ADK: variants seen among roughly 807,000 people sequenced by gnomAD.
ADK encodes N6,N6-dimethyladenosine kinase.
A neutral mutation model predicts 44.7 loss-of-function variants in ADK; 24 were observed. The observed-to-expected ratio is 0.54, with a 90% confidence interval of 0.39 to 0.76. The LOEUF (loss-of-function observed/expected upper bound fraction) is 0.76. ADK is among the 30% of genes least tolerant of loss of function. The pLI is 0.00. For synonymous variants in ADK, 128 were observed against 142.6 expected (o/e 0.90, Z 0.73); for missense variants, 321 against 425.1 (o/e 0.76, Z 2.15).
At chr10:74,602,058 T>A (rs1852150187) in intron 9 of ADK, among the ~76,000 whole-genome samples, 1 of 133,324 alleles carries the variant, frequency 7.5e-6, no homozygotes, top group African/African-American at 3.0e-5. Context: ...TGAGCTATGA[T>A]CTCTCCACTG....
chr10:74,263,511 A>G (rs1454633451), intron 3 of ADK, among the ~76,000 whole-genome samples: 1 of 152,214 alleles, frequency 6.6e-6, no homozygotes, highest in African/African-American at 2.4e-5. Context: ...CATGTACCCA[A>G]TCTGTCAACA....
intron 6 of ADK, among the ~76,000 whole-genome samples, chr10:74,454,174 A>G (rs933789477): frequency 6.6e-6 from 1 of 152,068 alleles, no homozygotes; most frequent in Admixed American, 6.5e-5. Context: ...TTCTTTCCCC[A>G]TTTAAAAAAT....
intron 1 of ADK, among the ~76,000 whole-genome samples, chr10:74,160,467 C>T (rs139259103): frequency 9.2e-5 from 14 of 152,356 alleles, no homozygotes; most frequent in Non-Finnish European, 1.6e-4. Flanking sequence ...ACTGCTGCTT[C>T]AATAAAAGTT....
At chr10:74,291,168 G>C (rs1284005524) in intron 3 of ADK, among the ~76,000 whole-genome samples, 1 of 152,184 alleles carries the variant, frequency 6.6e-6, no homozygotes, top group Non-Finnish European at 1.5e-5. Flanking sequence ...CTGTAATCCA[G>C]CACTTTGGGA....
intron 7 of ADK, among the ~76,000 whole-genome samples, chr10:74,568,119 T>C (rs542768445): frequency 6.6e-6 from 1 of 152,242 alleles, no homozygotes; most frequent in Admixed American, 6.5e-5. Context: ...TCATAAACTT[T>C]GTTAAAAGAT....
chr10:74,676,056 A>AC (rs1179988148), intron 10 of ADK, among the ~76,000 whole-genome samples: 3 of 151,614 alleles, frequency 2.0e-5, no homozygotes, highest in African/African-American at 4.8e-5. Context: ...AAAAAAAAAA[A>AC]AAACACCTTC....
chr10:74,362,387 C>G (rs1322815580), intron 4 of ADK, among the ~76,000 whole-genome samples: 1 of 149,444 alleles, frequency 6.7e-6, no homozygotes, highest in African/African-American at 2.5e-5. Context: ...TTTTTAGTTG[C>G]AGGATTTCTG....
chr10:74,427,048 C>T (rs1844821976), intron 6 of ADK, among the ~76,000 whole-genome samples: 1 of 151,698 alleles, frequency 6.6e-6, no homozygotes, highest in East Asian at 1.9e-4. Context: ...TATATCCATA[C>T]CGAAAGGGGA....
intron 9 of ADK, among the ~76,000 whole-genome samples, chr10:74,619,082 C>G (rs999438540): frequency 1.3e-5 from 2 of 148,558 alleles, no homozygotes; most frequent in African/African-American, 2.5e-5. Context: ...CCTCCCCGAG[C>G]TTCAGGCTGT....
chr10:74,331,053 T>C (rs897962700), intron 4 of ADK, among the ~76,000 whole-genome samples: 1 of 152,238 alleles, frequency 6.6e-6, no homozygotes, highest in East Asian at 1.9e-4. Flanking sequence ...TTCTTTTTTG[T>C]TTTCATTTCT....
intron 7 of ADK, among the ~76,000 whole-genome samples, chr10:74,584,453 C>T (rs1317781588): frequency 6.6e-6 from 1 of 152,084 alleles, no homozygotes; most frequent in African/African-American, 2.4e-5. Context: ...AGACCCTGTA[C>T]TCTTTCCATT....
At chr10:74,489,994 C>T (rs530258033) in intron 6 of ADK, among the ~76,000 whole-genome samples, 1 of 146,544 alleles carries the variant, frequency 6.8e-6, no homozygotes, top group South Asian at 2.2e-4. Context: ...TAGCATATAT[C>T]CGTTTTATCT....
At chr10:74,642,196 T>G (rs909958581) in intron 9 of ADK, among the ~76,000 whole-genome samples, 13 of 152,202 alleles carry the variant, frequency 8.5e-5, no homozygotes, top group African/African-American at 3.1e-4. Context: ...ATATAGTTAT[T>G]CTTATGAAAA....
chr10:74,170,553 C>G (rs1322398093), intron 1 of ADK, among the ~76,000 whole-genome samples: 2 of 151,990 alleles, frequency 1.3e-5, no homozygotes, highest in Non-Finnish European at 2.9e-5. Context: ...AATCCTAGCA[C>G]TTTGGGAGGC....
intron 6 of ADK, among the ~76,000 whole-genome samples, chr10:74,419,554 C>A (rs1019631310): frequency 6.6e-6 from 1 of 152,138 alleles, no homozygotes; most frequent in Non-Finnish European, 1.5e-5. Context: ...CACTGCTAAT[C>A]AGATGCCAAT....
chr10:74,288,398 C>G (rs1168372820), intron 3 of ADK, among the ~76,000 whole-genome samples: 2 of 152,098 alleles, frequency 1.3e-5, no homozygotes, highest in Non-Finnish European at 2.9e-5. Flanking sequence ...GCCTGTAATC[C>G]CAGCACTTCG....
chr10:74,599,557 A>G (rs1304941752), intron 8 of ADK, among the ~76,000 whole-genome samples: 1 of 152,224 alleles, frequency 6.6e-6, no homozygotes, highest in East Asian at 1.9e-4. Flanking sequence ...AAAGCCCAAA[A>G]CTATGGACAG....
intron 9 of ADK, among the ~76,000 whole-genome samples, chr10:74,665,851 C>T (rs935386376): frequency 1.3e-5 from 2 of 151,938 alleles, no homozygotes; most frequent in East Asian, 3.9e-4. Context: ...GAAAGAAAAA[C>T]ACCTGCCTAC....
chr10:74,485,698 AT>A (rs1847243197), intron 6 of ADK, among the ~76,000 whole-genome samples: 1 of 152,150 alleles, frequency 6.6e-6, no homozygotes, highest in Admixed American at 6.5e-5. Context: ...CACTAATTAT[AT>A]CCAATATCTA....
Sources: allele counts gnomAD v4.1 joint callset (sites outside exome capture counted in the v4.1 genomes callset), GRCh38; gene constraint gnomAD v4.1.1; transcripts MANE v1.5; gene names NCBI Gene and HGNC (gene_info 2026-07-23, HGNC 2026-07-21).